DLEC1: variants seen among roughly 807,000 people sequenced by gnomAD.
The protein encoded by DLEC1 is deleted in lung and esophageal cancer protein 1.
A neutral mutation model predicts 198.1 loss-of-function variants in DLEC1; 146 were observed. That is an observed-to-expected ratio of 0.74 (90% confidence interval 0.64 to 0.85). The LOEUF (loss-of-function observed/expected upper bound fraction) is 0.85. Ranked by LOEUF, DLEC1 falls within the 40% of genes least tolerant of loss-of-function variation. The probability of loss-of-function intolerance (pLI) is 0.00; values close to 1 mark genes in which losing one functional copy is unlikely to be tolerated. For missense variants in DLEC1, 2,233 were observed against 2,220.0 expected (o/e 1.01, Z -0.12); for synonymous variants, 897 against 866.8 (o/e 1.03, Z -0.61).
In DLEC1 at chr3:38,117,928, C is replaced by T; in HGVS notation, c.4608C>T (p.Asp1536=). The T allele has an allele frequency of 6.2e-7, 1 of 1,614,160 alleles. No homozygotes were observed. The highest frequency in any genetic ancestry group is 8.5e-7 in the Non-Finnish European group (1 of 1,180,018). ...TTTCTCAAGATGGGGCGAGCCAGGA[C>T]CACAGAGCTCCTGGCCCTGGCCAGA... ...FSVSQDGASQ[D]HRAPGPGQKQ... Residue 1536 remains aspartate (D), a synonymous_variant, in exon 33 of 37, where the codon GAC becomes GAT. Transcript: ENST00000308059.
At chr3:38,040,572 T>C (rs7614714) in intron 1 of DLEC1, among the ~76,000 whole-genome samples, 145,896 of 152,338 alleles carry the variant, frequency 0.96, 69,925 homozygotes, top group East Asian at 1. Flanking sequence ...CTGGCTGGGA[T>C]CCTGTACTCT....
intron 21 of DLEC1, among the ~76,000 whole-genome samples, chr3:38,108,857 A>G (rs866625900): frequency 6.6e-6 from 1 of 152,230 alleles, no homozygotes; most frequent in South Asian, 2.1e-4. Context: ...TGTTGCTCAC[A>G]GCAGGCACTG....
intron 7 of DLEC1, among the ~76,000 whole-genome samples, chr3:38,084,938 T>G (rs12629845): frequency 6.6e-6 from 1 of 151,862 alleles, no homozygotes; most frequent in Non-Finnish European, 1.5e-5. Context: ...GTATTTGTCT[T>G]AAGAACAACT....
intron 33 of DLEC1, among the ~76,000 whole-genome samples, chr3:38,118,950 C>T (rs1300288469): frequency 6.6e-6 from 1 of 152,148 alleles, no homozygotes; most frequent in East Asian, 1.9e-4. Flanking sequence ...TCATGGAGGT[C>T]AGGGACACAC....
chr3:38,122,389 T>C lies in DLEC1; in HGVS notation c.5245T>C (p.Tyr1749His), dbSNP rs377099052. The C allele has an allele frequency of 3.1e-6, 5 of 1,613,944 alleles. No individual in the cohort carries two copies. Among genetic ancestry groups the C allele is most frequent in the African/African-American group, 1.3e-5 (1 of 74,866 alleles). The change falls in exon 37 of 37, where the codon TAC (tyrosine) becomes CAC (histidine). Residue 1749 changes from tyrosine to histidine, a missense_variant. Physicochemically the swap from Tyr to His is moderately conservative, Grantham distance 83. Coordinates refer to ENST00000308059, the MANE Select transcript of DLEC1 (RefSeq NM_007335.4). ...GGGCCAAGGCTCCTATGATGAGAGA[T>C]ACATGTTGCCTCACCAGCCCTGAGG... is the stretch of plus-strand genomic sequence containing the variant. ...LRGQGSYDER[Y>H]MLPHQP
At position 38,122,690 on chromosome 3, in the gene DLEC1, T is replaced by TG; in HGVS notation, c.*280dup. The TG allele has an allele frequency of 3.5e-6, 5 of 1,410,324 alleles. No homozygotes were observed. In the South Asian group the frequency reaches 4.5e-5, roughly 13 times the overall value. The allele number at this position is 1,410,324 out of a possible 1,614,324, so 87.4% of individuals were successfully genotyped here. ...AAGACCAGTATGGCAAAATTAGTCT[T>TG]GGAAAAAAACCACAGCCACTAAGAT... is the stretch of plus-strand genomic sequence containing the variant. On this transcript the variant is annotated 3_prime_UTR_variant, in exon 37 of 37. Transcript: ENST00000308059.
intron 6 of DLEC1, among the ~76,000 whole-genome samples, chr3:38,070,559 C>A (rs538869991): frequency 2.0e-5 from 3 of 152,306 alleles, no homozygotes; most frequent in Non-Finnish European, 4.4e-5. Context: ...AGCTTTTAAT[C>A]ACCTGGGTGC....
In DLEC1 at chr3:38,039,345, C is replaced by T. The variant is rs896805795; in HGVS notation, c.120C>T (p.Thr40=). 6.2e-7 allele frequency: 1 copy of T among 1,614,240 alleles called. No individual in the cohort carries two copies. The highest frequency in any genetic ancestry group is 1.7e-5 in the Admixed American group (1 of 60,026). The change falls in exon 1 of 37, where the codon ACC becomes ACT. Residue 40 remains threonine (T), a synonymous_variant. Transcript: ENST00000308059. ...GGTCCAGCAGCCCCAGCCAGCCCACCTGGAAGTCCTCCTTGTATTCCTCCC... is the reference window on the plus strand; with the variant it reads ...GGTCCAGCAGCCCCAGCCAGCCCACTTGGAAGTCCTCCTTGTATTCCTCCC... The part of the protein sequence containing the change: ...PAGSSSPSQP[T]WKSSLYSSLA...
At position 38,084,248 on chromosome 3, in the gene DLEC1, A is replaced by G. The variant is rs780345520; in HGVS notation, c.1261+3A>G. ...GCCATACTTCGCTCTGGGACTGGGT[A>G]AGTTCAGTATTTGTAAGTTCATTAG... On this transcript the variant is annotated splice_donor_region_variant and intron_variant, in intron 7 of 36. Coordinates refer to ENST00000308059, the MANE Select transcript of DLEC1 (RefSeq NM_007335.4). The G allele has an allele frequency of 5.6e-6, 9 of 1,611,024 alleles. No individual in the cohort carries two copies. In the South Asian group the frequency reaches 7.7e-5, roughly 14 times the overall value.
chr3:38,106,442 T>C (rs1211270893), intron 19 of DLEC1, among the ~76,000 whole-genome samples: 2 of 152,166 alleles, frequency 1.3e-5, no homozygotes, highest in Non-Finnish European at 2.9e-5. Flanking sequence ...TTTGTCTGGG[T>C]AAGCCCATTT....
intron 6 of DLEC1, among the ~76,000 whole-genome samples, chr3:38,074,336 G>A (rs916910792): frequency 6.6e-6 from 1 of 152,162 alleles, no homozygotes; most frequent in Non-Finnish European, 1.5e-5. Flanking sequence ...GGGGTTTGAG[G>A]GCCAGATTCT....
At chr3:38,121,250 G>A (rs1700442680) in intron 34 of DLEC1, among the ~76,000 whole-genome samples, 1 of 152,252 alleles carries the variant, frequency 6.6e-6, no homozygotes, top group Admixed American at 6.5e-5. Context: ...GGAGGGCACA[G>A]GTGGGGCCTG....
intron 15 of DLEC1, 72 bp downstream of exon 15, chr3:38,096,809 A>G (rs1163911799): frequency 3.3e-6 from 5 of 1,496,878 alleles, no homozygotes; most frequent in East Asian, 2.3e-5. Context: ...TAGGGAGGAT[A>G]TAGCAGGAGG....
At position 38,100,429 on chromosome 3, in the gene DLEC1, AG is replaced by A. The variant is rs749428133; in HGVS notation, c.2864+7del. 2 of 1,610,516 alleles carry A rather than the reference AG, an allele frequency of 1.2e-6. No homozygotes were observed. Among genetic ancestry groups the A allele is most frequent in the Non-Finnish European group, 1.7e-6 (2 of 1,178,642 alleles). On this transcript the variant is annotated splice_donor_5th_base_variant and intron_variant, in intron 19 of 36. Transcript: ENST00000308059. ...AGGTGGAAAATGGTGCCTGGAGGTA[AG>A]GGTGCCGTGGGAAGAGCCACTACAA...
chr3:38,088,516 A>G (rs1425873434), intron 10 of DLEC1, 128 bp downstream of exon 10: 17 of 784,656 alleles, frequency 2.2e-5, no homozygotes, highest in Non-Finnish European at 3.5e-5. Flanking sequence ...GTAGACGCAT[A>G]TTCTTGCATT....
At chr3:38,096,224 CGGT>C (rs2125696174) in intron 14 of DLEC1, among the ~76,000 whole-genome samples, 1 of 152,296 alleles carries the variant, frequency 6.6e-6, no homozygotes, top group African/African-American at 2.4e-5. Flanking sequence ...GGGGGGCCCT[CGGT>C]GGTGGTGAGT....
chr3:38,116,930 G>A (rs1312805717), intron 29 of DLEC1, 41 bp downstream of exon 29: 3 of 1,612,168 alleles, frequency 1.9e-6, no homozygotes, highest in Non-Finnish European at 2.5e-6. Flanking sequence ...GCATTGGCCG[G>A]CCAGTGGGCA....
chr3:38,108,399 T>G lies in DLEC1; in HGVS notation c.3019-6T>G. 6.2e-7 allele frequency: 1 copy of G among 1,613,062 alleles called. No individual in the cohort carries two copies. Among genetic ancestry groups the G allele is most frequent in the Non-Finnish European group, 8.5e-7 (1 of 1,179,252 alleles). ...GTGACAACAGGCTCACTCATGTGTC[T>G]GCCAGCTCCTCGGACACCAAGCAGA... On this transcript the variant is annotated splice_polypyrimidine_tract_variant and splice_region_variant and intron_variant, in intron 20 of 36. Coordinates refer to ENST00000308059, the MANE Select transcript of DLEC1 (RefSeq NM_007335.4).
chr3:38,088,179 A>T lies in DLEC1; in HGVS notation c.1573-117A>T, dbSNP rs1698562309. ...AGTTTTTTCATTACCATGTGACTGG[A>T]TGATCCTTAAGTTCCTTCACATTGC... On this transcript the variant is annotated intron_variant, in intron 9 of 36. Coordinates refer to ENST00000308059, the MANE Select transcript of DLEC1 (RefSeq NM_007335.4). 11 of 862,710 alleles carry T rather than the reference A, an allele frequency of 1.3e-5. No individual in the cohort carries two copies. In the Admixed American group the frequency reaches 2.6e-4, roughly 20 times the overall value. The allele number at this position is 862,710 out of a possible 1,614,324, so 53.4% of individuals were successfully genotyped here.
Sources: allele counts gnomAD v4.1 joint callset (sites outside exome capture counted in the v4.1 genomes callset), GRCh38; gene constraint gnomAD v4.1.1; transcripts MANE v1.5; gene names NCBI Gene and HGNC (gene_info 2026-07-23, HGNC 2026-07-21).